The following CDYL2 variants were observed in gnomAD, a reference collection of about 807,000 sequenced individuals.
The protein encoded by CDYL2 is chromodomain Y like 2.
A neutral mutation model predicts 49.4 loss-of-function variants in CDYL2; 23 were observed. The observed-to-expected ratio is 0.47, with a 90% CI of 0.34 to 0.66. The LOEUF (loss-of-function observed/expected upper bound fraction) is 0.66, where lower values mean the gene tolerates loss of function less well. Among genes scored for constraint, CDYL2 ranks in the 30% least tolerant of loss-of-function variants. The probability of loss-of-function intolerance (pLI) is 0.01; values close to 1 mark genes in which losing one functional copy is unlikely to be tolerated. For synonymous variants in CDYL2, 360 were observed against 268.8 expected (o/e 1.34, Z -3.32); for missense variants, 678 against 656.4 (o/e 1.03, Z -0.36).
rs9888959 is a variant in CDYL2 at position 80,649,756 on chromosome 16, A to G, written c.617-16520T>C. Reference sequence around the variant, plus strand: ...GTAACCAAAACAGCACGGTACTGGCATAAAAACAGATACAGAGATGAATAG... The same window carrying G: ...GTAACCAAAACAGCACGGTACTGGCGTAAAAACAGATACAGAGATGAATAG... On this transcript the variant is annotated intron_variant, in intron 2 of 6. Transcript: ENST00000570137. 1.1e-3 allele frequency among the ~76,000 whole-genome samples: 175 copies of G among 152,346 alleles called. 1 individual carries two copies. Among genetic ancestry groups the G allele is most frequent in the African/African-American group, 4.0e-3 (166 of 41,588 alleles).
intron 2 of CDYL2, among the ~76,000 whole-genome samples, chr16:80,664,860 G>C (rs2142440951): frequency 6.6e-6 from 1 of 152,178 alleles, no homozygotes; most frequent in East Asian, 1.9e-4. Flanking sequence ...CTCCCTGCTA[G>C]GATTAACTGA....
intron 6 of CDYL2, among the ~76,000 whole-genome samples, chr16:80,604,946 C>T (rs529703205): frequency 2.0e-5 from 3 of 152,278 alleles, no homozygotes; most frequent in East Asian, 3.9e-4. Flanking sequence ...CAGAATAAGA[C>T]GATGAAATGA....
chr16:80,769,635 C>A (rs1276120555), intron 1 of CDYL2, among the ~76,000 whole-genome samples: 1 of 152,162 alleles, frequency 6.6e-6, no homozygotes, highest in Admixed American at 6.5e-5. Context: ...TCTCCCAGCT[C>A]CCTTCCTCCC....
intron 1 of CDYL2, among the ~76,000 whole-genome samples, chr16:80,744,336 T>C (rs1049268639): frequency 2.6e-5 from 4 of 152,110 alleles, no homozygotes; most frequent in African/African-American, 4.8e-5. Context: ...CTATTAACCA[T>C]AGCACAGCTC....
At chr16:80,635,713 C>A (rs1385958413) in intron 2 of CDYL2, among the ~76,000 whole-genome samples, 1 of 152,176 alleles carries the variant, frequency 6.6e-6, no homozygotes, top group African/African-American at 2.4e-5. Flanking sequence ...GAAAAAATTA[C>A]TTTAAATTTC....
chr16:80,637,245 GA>G (rs1907876578), intron 2 of CDYL2, among the ~76,000 whole-genome samples: 4 of 151,514 alleles, frequency 2.6e-5, no homozygotes, highest in Admixed American at 2.6e-4. Context: ...AGGGGGAAAC[GA>G]AAGGGACTTC....
intron 1 of CDYL2, among the ~76,000 whole-genome samples, chr16:80,691,933 G>A (rs1910432261): frequency 2.0e-5 from 3 of 152,130 alleles, no homozygotes; most frequent in Admixed American, 2.0e-4. Context: ...GGAAAGGACA[G>A]AACCAACATG....
chr16:80,685,172 AG>A (rs1190882093), intron 1 of CDYL2, 43 bp from the exon 2 acceptor site: 6 of 1,507,786 alleles, frequency 4.0e-6, no homozygotes, highest in Non-Finnish European at 5.4e-6. Context: ...AGAGAGAGGG[AG>A]GAAAAAACTC....
chr16:80,688,712 T>C (rs1910297667), intron 1 of CDYL2, among the ~76,000 whole-genome samples: 1 of 152,158 alleles, frequency 6.6e-6, no homozygotes, highest in Admixed American at 6.5e-5. Flanking sequence ...TTTGTGTAGG[T>C]TTCTGACTCT....
At chr16:80,673,037 G>A (rs952948350) in intron 2 of CDYL2, among the ~76,000 whole-genome samples, 5 of 152,196 alleles carry the variant, frequency 3.3e-5, no homozygotes, top group African/African-American at 1.2e-4. Context: ...AACAAGGGAG[G>A]CCGGGCGTGG....
intron 1 of CDYL2, among the ~76,000 whole-genome samples, chr16:80,722,981 G>C (rs1905048810): frequency 6.6e-6 from 1 of 152,258 alleles, no homozygotes; most frequent in Non-Finnish European, 1.5e-5. Flanking sequence ...AAGCAGAGCA[G>C]AAGGAGAAGA....
At chr16:80,609,213 T>C (rs1323938438) in intron 5 of CDYL2, among the ~76,000 whole-genome samples, 2 of 152,222 alleles carry the variant, frequency 1.3e-5, no homozygotes, top group Non-Finnish European at 2.9e-5. Context: ...AACATGATAG[T>C]AATGAGCTGC....
chr16:80,644,792 T>A (rs1471655431), intron 2 of CDYL2, among the ~76,000 whole-genome samples: 1 of 152,014 alleles, frequency 6.6e-6, no homozygotes, highest in African/African-American at 2.4e-5. Context: ...AAAACAGAGA[T>A]ACAGACCAAT....
At position 80,598,519 on chromosome 16, in the gene CDYL2, C is replaced by T. The variant is rs1332822845; in HGVS notation, c.*5869G>A. The T allele has an allele frequency of 6.6e-6, 1 of 152,080 alleles. No homozygotes were observed. Among genetic ancestry groups the T allele is most frequent in the Non-Finnish European group, 1.5e-5 (1 of 68,012 alleles). 9.4% of individuals were successfully genotyped at this position (152,080 alleles called of 1,614,324 possible). A position where few individuals can be genotyped will look rare whatever the true frequency, so the allele number is the denominator to read the frequency against. ...GGAATTAGAATGGGTCAATGAAGAA[C>T]AAAAGGAGGCAGACATTTGGAAAGT... On this transcript the variant is annotated 3_prime_UTR_variant, in exon 7 of 7. Transcript: ENST00000570137.
chr16:80,748,572 A>G (rs931671035), intron 1 of CDYL2, among the ~76,000 whole-genome samples: 1 of 150,916 alleles, frequency 6.6e-6, no homozygotes, highest in Non-Finnish European at 1.5e-5. Flanking sequence ...TATTCACTCA[A>G]CACTCAGAGC....
intron 3 of CDYL2, among the ~76,000 whole-genome samples, chr16:80,626,082 G>A (rs1298353375): frequency 6.6e-6 from 1 of 151,554 alleles, no homozygotes; most frequent in Non-Finnish European, 1.5e-5. Context: ...CTGAGCTCAG[G>A]AGTTCGAGGC....
At chr16:80,638,150 C>T (rs969657603) in intron 2 of CDYL2, among the ~76,000 whole-genome samples, 1 of 152,120 alleles carries the variant, frequency 6.6e-6, no homozygotes, top group Non-Finnish European at 1.5e-5. Context: ...TCACAGCTCA[C>T]TGCAGCCTCA....
At chr16:80,628,424 T>A (rs1049232302) in intron 3 of CDYL2, 3 of 152,234 alleles carry the variant, frequency 2.0e-5, no homozygotes, top group African/African-American at 7.2e-5. Flanking sequence ...TGAGTAGCCC[T>A]CAGAAGAGGC....
At chr16:80,787,317 A>C (rs1347422659) in intron 1 of CDYL2, among the ~76,000 whole-genome samples, 1 of 152,204 alleles carries the variant, frequency 6.6e-6, no homozygotes, top group Admixed American at 6.5e-5. Flanking sequence ...GAAACTACAC[A>C]AGAAGACTTT....
Sources: gnomAD v4.1 joint callset for allele counts (sites outside exome capture counted in the v4.1 genomes callset) on GRCh38, gnomAD v4.1.1 for gene constraint, MANE v1.5 for transcripts, NCBI Gene and HGNC (gene_info 2026-07-23, HGNC 2026-07-21) for gene names.